The following CCSER1 variants were observed in gnomAD, a reference collection of about 807,000 sequenced individuals.
CCSER1 encodes coiled-coil serine rich protein 1, also known as serine-rich coiled-coil domain-containing protein 1.
Under a neutral mutation model 82.0 loss-of-function variants are expected in CCSER1, and 41 were observed. That is an observed-to-expected ratio of 0.50 (90% CI 0.39 to 0.65). The LOEUF (loss-of-function observed/expected upper bound fraction) is 0.65. Among genes scored for constraint, CCSER1 ranks in the 30% least tolerant of loss-of-function variants. CCSER1 has a pLI of 0.00. For missense variants in CCSER1, 1,119 were observed against 1,064.2 expected (o/e 1.05, Z -0.72); for synonymous variants, 414 against 383.9 (o/e 1.08, Z -0.92).
At chr4:90,575,112 C>T (rs781625541) in intron 5 of CCSER1, among the ~76,000 whole-genome samples, 1 of 152,158 alleles carries the variant, frequency 6.6e-6, no homozygotes, top group Admixed American at 6.5e-5. Flanking sequence ...ATTTCATCCA[C>T]GATTCAATTT....
intron 4 of CCSER1, among the ~76,000 whole-genome samples, chr4:90,409,248 G>A (rs180830400): frequency 1.3e-5 from 2 of 152,290 alleles, no homozygotes; most frequent in Admixed American, 1.3e-4. Flanking sequence ...TAGCAAGGCA[G>A]GCCAACATTC....
intron 3 of CCSER1, among the ~76,000 whole-genome samples, chr4:90,370,834 A>G (rs1476725918): frequency 2.0e-5 from 3 of 152,002 alleles, no homozygotes; most frequent in African/African-American, 4.8e-5. Context: ...TATTTTTATT[A>G]CTTATTTTCT....
At chr4:90,648,668 C>A (rs1156810396) in intron 6 of CCSER1, among the ~76,000 whole-genome samples, 3 of 152,162 alleles carry the variant, frequency 2.0e-5, no homozygotes, top group African/African-American at 7.2e-5. Context: ...GCACCATCTG[C>A]AAGCCAAGAA....
At chr4:90,690,904 G>T (rs1024865278) in intron 6 of CCSER1, among the ~76,000 whole-genome samples, 3 of 151,980 alleles carry the variant, frequency 2.0e-5, no homozygotes, top group Non-Finnish European at 4.4e-5. Context: ...TCTATTTCAA[G>T]ACATCTGACT....
intron 1 of CCSER1, among the ~76,000 whole-genome samples, chr4:90,222,839 G>A (rs189979592): frequency 1.3e-5 from 2 of 152,202 alleles, no homozygotes; most frequent in African/African-American, 4.8e-5. Context: ...CAGAGTTTCT[G>A]TGAACCCTTT....
chr4:90,497,875 A>G (rs1219102686), intron 5 of CCSER1, among the ~76,000 whole-genome samples: 1 of 151,976 alleles, frequency 6.6e-6, no homozygotes, highest in Non-Finnish European at 1.5e-5. Flanking sequence ...TGGCATCAGC[A>G]GCTATTCAGG....
At chr4:90,363,723 G>A (rs536628233) in intron 3 of CCSER1, among the ~76,000 whole-genome samples, 10 of 152,034 alleles carry the variant, frequency 6.6e-5, no homozygotes, top group Non-Finnish European at 1.2e-4. Flanking sequence ...ATGACCTACA[G>A]TTTTAAACTT....
At chr4:91,051,420 T>C (rs966725555) in intron 9 of CCSER1, among the ~76,000 whole-genome samples, 6 of 152,140 alleles carry the variant, frequency 3.9e-5, no homozygotes, top group Non-Finnish European at 7.4e-5. Flanking sequence ...AATTCATATA[T>C]TGCTGTTAGA....
intron 5 of CCSER1, among the ~76,000 whole-genome samples, chr4:90,520,205 TTA>T (rs1772898070): frequency 6.6e-6 from 1 of 151,654 alleles, no homozygotes; most frequent in Non-Finnish European, 1.5e-5. Context: ...TGTATCATAA[TTA>T]TTATTCTAAT....
intron 10 of CCSER1, among the ~76,000 whole-genome samples, chr4:91,170,046 T>C (rs897583397): frequency 6.6e-6 from 1 of 152,208 alleles, no homozygotes; most frequent in African/African-American, 2.4e-5. Flanking sequence ...GACTTTCATA[T>C]ATCCATCTGC....
intron 10 of CCSER1, among the ~76,000 whole-genome samples, chr4:91,349,455 TAAAGTC>T (rs1748317033): frequency 6.6e-6 from 1 of 152,158 alleles, no homozygotes; most frequent in Non-Finnish European, 1.5e-5. Context: ...GCAAATGGTC[TAAAGTC>T]TTACATTAGG....
chr4:90,879,206 T>TG (rs1720827683), intron 8 of CCSER1, among the ~76,000 whole-genome samples: 1 of 152,208 alleles, frequency 6.6e-6, no homozygotes, highest in Non-Finnish European at 1.5e-5. Context: ...TATTCTGCTG[T>TG]TAATACTTGT....
chr4:90,964,739 A>AC lies in CCSER1; in HGVS notation c.2172+41292_2172+41293insC, dbSNP rs1734388716. 1.5e-4 allele frequency among the ~76,000 whole-genome samples: 23 copies of AC among 149,302 alleles called. 1 individual carries two copies. In the South Asian group the frequency reaches 4.9e-3, roughly 32 times the overall value. On this transcript the variant is annotated intron_variant, in intron 9 of 10. Transcript: ENST00000509176. ...GAGCAAGACTCTGTCTCCAAAAAAA[A>AC]AAAAAAAAAAAAAGCAACAAGAATA...
At chr4:90,303,450 C>A (rs919907944) in intron 1 of CCSER1, among the ~76,000 whole-genome samples, 1 of 151,948 alleles carries the variant, frequency 6.6e-6, no homozygotes, top group African/African-American at 2.4e-5. Context: ...TACCAAAACA[C>A]AGATATAGAT....
intron 10 of CCSER1, among the ~76,000 whole-genome samples, chr4:91,552,632 A>C (rs1225491826): frequency 6.6e-6 from 1 of 151,632 alleles, no homozygotes; most frequent in Non-Finnish European, 1.5e-5. Context: ...GTATAAGTGG[A>C]ATGCTCAAAA....
intron 10 of CCSER1, among the ~76,000 whole-genome samples, chr4:91,274,802 C>A (rs1742289690): frequency 6.6e-6 from 1 of 152,098 alleles, no homozygotes. Flanking sequence ...GTGCAAGTAT[C>A]TTTTTGAAAT....
chr4:90,277,404 A>G (rs530400998), intron 1 of CCSER1, among the ~76,000 whole-genome samples: 113 of 152,184 alleles, frequency 7.4e-4, no homozygotes, highest in Non-Finnish European at 1.2e-3. Context: ...CCTGTCTTCA[A>G]ACTATACTAC....
intron 6 of CCSER1, among the ~76,000 whole-genome samples, chr4:90,653,921 A>G (rs1729232345): frequency 6.6e-6 from 1 of 152,282 alleles, no homozygotes; most frequent in African/African-American, 2.4e-5. Flanking sequence ...GGGAGGCCTC[A>G]GGAAACTTAC....
intron 9 of CCSER1, among the ~76,000 whole-genome samples, chr4:91,029,026 A>G (rs968257445): frequency 1.3e-5 from 2 of 152,082 alleles, no homozygotes; most frequent in African/African-American, 2.4e-5. Context: ...TAATTTTAGT[A>G]TATGAACTAA....
Sources: gnomAD v4.1 joint callset for allele counts (sites outside exome capture counted in the v4.1 genomes callset) on GRCh38, gnomAD v4.1.1 for gene constraint, MANE v1.5 for transcripts, NCBI Gene and HGNC (gene_info 2026-07-23, HGNC 2026-07-21) for gene names.